MCCC1: variants seen among roughly 807,000 people sequenced by gnomAD.
MCCC1 encodes methylcrotonoyl-CoA carboxylase subunit alpha, mitochondrial.
In MCCC1, 64 loss-of-function variants were observed where a neutral mutation model predicts 83.8. That is an observed-to-expected ratio of 0.76 (90% CI 0.62 to 0.94). MCCC1 has a LOEUF of 0.94. Among genes scored for constraint, MCCC1 ranks in the 40% least tolerant of loss-of-function variants. The pLI, the probability that MCCC1 is intolerant of heterozygous loss-of-function variation, is 0.00. For missense variants in MCCC1, 807 were observed against 904.7 expected, an observed-to-expected ratio of 0.89 and a Z score of 1.39; for synonymous variants, 322 against 315.4, an observed-to-expected ratio of 1.02 and a Z score of -0.22.
At chr3:183,052,344 C>T (rs1715043108) in intron 8 of MCCC1, 104 bp from the exon 9 acceptor site, 2 of 926,126 alleles carry the variant, frequency 2.2e-6, no homozygotes, top group Admixed American at 1.9e-5. Flanking sequence ...GTTTCTTAGT[C>T]AACAACAGAC....
chr3:183,034,172 C>G, intron 13 of MCCC1, 95 bp from the exon 14 acceptor site: 1 of 888,744 alleles, frequency 1.1e-6, no homozygotes, highest in East Asian at 2.5e-5. Context: ...AAGTGCTGGC[C>G]GGGCACAGTG....
At chr3:183,016,895 CA>C (rs773186757) in intron 18 of MCCC1, among the ~76,000 whole-genome samples, 1 of 152,150 alleles carries the variant, frequency 6.6e-6, no homozygotes, top group Non-Finnish European at 1.5e-5. Flanking sequence ...GCCTTAGAAC[CA>C]AGATAATACC....
chr3:183,031,106 T>C (rs1014381289), intron 14 of MCCC1, among the ~76,000 whole-genome samples: 1 of 152,204 alleles, frequency 6.6e-6, no homozygotes, highest in Non-Finnish European at 1.5e-5. Flanking sequence ...ACGTGTATCC[T>C]GGAGTGTGGG....
At chr3:183,114,967 T>C (rs1000024673) in intron 1 of MCCC1, among the ~76,000 whole-genome samples, 2 of 152,166 alleles carry the variant, frequency 1.3e-5, no homozygotes, top group African/African-American at 4.8e-5. Context: ...GTTATGGTAA[T>C]GACAGTCTCC....
upstream of MCCC1, among the ~76,000 whole-genome samples, chr3:183,101,431 C>A (rs1185624704): frequency 6.6e-6 from 1 of 151,924 alleles, no homozygotes; most frequent in Non-Finnish European, 1.5e-5. Flanking sequence ...CAGTCAGCAC[C>A]CTGTGTTTAG....
intron 3 of MCCC1, chr3:183,090,956 G>A (rs1203888134): frequency 2.2e-6 from 1 of 456,472 alleles, no homozygotes; most frequent in Admixed American, 2.3e-5. Context: ...AAAGATGGAT[G>A]CAGACATAAC....
chr3:183,097,359 T>C (rs763408455), intron 1 of MCCC1, among the ~76,000 whole-genome samples: 16 of 152,246 alleles, frequency 1.1e-4, no homozygotes, highest in Admixed American at 1.3e-4. Flanking sequence ...TAAAGATTCA[T>C]AACATAAAAA....
At chr3:183,108,501 G>T (rs146221959) in intron 1 of MCCC1, among the ~76,000 whole-genome samples, 5 of 152,188 alleles carry the variant, frequency 3.3e-5, no homozygotes, top group Admixed American at 3.3e-4. Flanking sequence ...TTTTGTCTCC[G>T]AGAGGTAGAA....
upstream of MCCC1, among the ~76,000 whole-genome samples, chr3:183,104,010 CGGGCCGGCA>C (rs1276740857): frequency 2.6e-5 from 4 of 152,168 alleles, no homozygotes; most frequent in Non-Finnish European, 5.9e-5. Flanking sequence ...CTCATTGCCC[CGGGCCGGCA>C]GGGCCGGCCG....
At chr3:183,021,494 A>G (rs1365899542) in intron 16 of MCCC1, among the ~76,000 whole-genome samples, 1 of 152,218 alleles carries the variant, frequency 6.6e-6, no homozygotes, top group East Asian at 1.9e-4. Context: ...TGTTGGGACT[A>G]CAGGCACAAG....
intron 3 of MCCC1, among the ~76,000 whole-genome samples, chr3:183,091,553 G>A (rs1252064895): frequency 6.6e-6 from 1 of 152,018 alleles, no homozygotes; most frequent in Admixed American, 6.6e-5. Flanking sequence ...GGGCAACAGA[G>A]TGAGACTCTT....
intron 4 of MCCC1, among the ~76,000 whole-genome samples, chr3:183,084,198 A>G (rs1267281620): frequency 6.6e-6 from 1 of 152,236 alleles, no homozygotes; most frequent in African/African-American, 2.4e-5. Flanking sequence ...TGTCCAGCTT[A>G]AAAGTCTGAA....
At chr3:183,056,022 A>C (rs527254133) in intron 8 of MCCC1, among the ~76,000 whole-genome samples, 33 of 152,342 alleles carry the variant, frequency 2.2e-4, no homozygotes, top group African/African-American at 7.9e-4. Context: ...GGAAACCTTG[A>C]GATTCCAAGT....
intron 16 of MCCC1, among the ~76,000 whole-genome samples, chr3:183,020,683 ATGACCT>A (rs2108438720): frequency 6.6e-6 from 1 of 152,158 alleles, no homozygotes; most frequent in African/African-American, 2.4e-5. Context: ...ATCTAGCTTT[ATGACCT>A]TGAGCAAATT....
At chr3:183,020,913 A>G (rs1425578630) in intron 16 of MCCC1, among the ~76,000 whole-genome samples, 1 of 151,972 alleles carries the variant, frequency 6.6e-6, no homozygotes, top group Non-Finnish European at 1.5e-5. Context: ...ACAAAAAATT[A>G]GCTGGGCATG....
intron 4 of MCCC1, among the ~76,000 whole-genome samples, chr3:183,084,648 G>A (rs958429569): frequency 2.0e-5 from 3 of 152,302 alleles, no homozygotes; most frequent in East Asian, 1.9e-4. Context: ...TTGGCTGGGC[G>A]CAGTGGATTA....
At chr3:183,020,333 T>TATTTAAC in intron 16 of MCCC1, 96 bp from the exon 17 acceptor site, 3 of 1,032,020 alleles carry the variant, frequency 2.9e-6, no homozygotes, top group Non-Finnish European at 4.4e-6. Flanking sequence ...AGCAATTTGT[T>TATTTAAC]AAATATTAGT....
At chr3:183,099,240 T>C in intron 1 of MCCC1, 112 bp downstream of exon 1, 2 of 1,296,928 alleles carry the variant, frequency 1.5e-6, no homozygotes, top group Non-Finnish European at 2.1e-6. Context: ...GGGGTTTTCC[T>C]ACCGTCCTCC....
At chr3:183,024,702 T>C (rs1167312750) in intron 15 of MCCC1, among the ~76,000 whole-genome samples, 2 of 152,080 alleles carry the variant, frequency 1.3e-5, no homozygotes, top group Non-Finnish European at 2.9e-5. Context: ...TTGATGGGAC[T>C]GTAAACTGCT....
Sources: allele counts gnomAD v4.1 joint callset (sites outside exome capture counted in the v4.1 genomes callset), GRCh38; gene constraint gnomAD v4.1.1; transcripts MANE v1.5; gene names NCBI Gene and HGNC (gene_info 2026-07-23, HGNC 2026-07-21).